FNDC3A: variants seen among roughly 807,000 people sequenced by gnomAD.
The protein encoded by FNDC3A is fibronectin type III domain containing 3A, also known as fibronectin type-III domain-containing protein 3A.
In FNDC3A, 32 loss-of-function variants were observed where a neutral mutation model predicts 148.9. The observed-to-expected ratio is 0.21, with a 90% CI of 0.16 to 0.29. FNDC3A has a LOEUF of 0.29. Among genes scored for constraint, FNDC3A ranks in the 10% least tolerant of loss-of-function variants. The pLI, the probability that FNDC3A is intolerant of heterozygous loss-of-function variation, is 1.00. For synonymous variants in FNDC3A, 472 were observed against 473.6 expected (o/e 1.00, Z 0.04); for missense variants, 1,191 against 1,452.8 (o/e 0.82, Z 2.93).
At chr13:49,055,161 T>C (rs1593524521) in intron 2 of FNDC3A, among the ~76,000 whole-genome samples, 1 of 151,866 alleles carries the variant, frequency 6.6e-6, no homozygotes, top group Non-Finnish European at 1.5e-5. Flanking sequence ...TGGGGTGCGG[T>C]GTCACGTTCG....
chr13:49,174,169 T>G (rs1203301168), intron 11 of FNDC3A, among the ~76,000 whole-genome samples: 1 of 152,154 alleles, frequency 6.6e-6, no homozygotes, highest in Non-Finnish European at 1.5e-5. Flanking sequence ...CCTGCAGAGT[T>G]TCCTTTATTA....
intron 2 of FNDC3A, among the ~76,000 whole-genome samples, chr13:49,032,786 T>A (rs1283447978): frequency 1.3e-5 from 2 of 152,160 alleles, no homozygotes; most frequent in African/African-American, 4.8e-5. Context: ...AAGAATGTTC[T>A]AAAATTTACT....
At chr13:49,094,818 C>A (rs1276072510) in intron 3 of FNDC3A, among the ~76,000 whole-genome samples, 1 of 151,936 alleles carries the variant, frequency 6.6e-6, no homozygotes, top group Admixed American at 6.6e-5. Context: ...TTCTTTTTCT[C>A]TCAAAAATGG....
intron 8 of FNDC3A, among the ~76,000 whole-genome samples, chr13:49,160,515 CTTT>C (rs541832524): frequency 2.4e-3 from 366 of 151,788 alleles, no homozygotes; most frequent in Non-Finnish European, 3.6e-3. Context: ...CTCTTTTCTT[CTTT>C]ATTAGTCTTG....
At chr13:48,982,411 A>G (rs1309738607) in intron 1 of FNDC3A, among the ~76,000 whole-genome samples, 1 of 152,082 alleles carries the variant, frequency 6.6e-6, no homozygotes, top group Non-Finnish European at 1.5e-5. Flanking sequence ...TTCTTTAGTA[A>G]CTATTAGGAT....
chr13:49,071,386 TATACTC>T (rs1393170596), intron 2 of FNDC3A, among the ~76,000 whole-genome samples: 1 of 152,176 alleles, frequency 6.6e-6, no homozygotes, highest in Non-Finnish European at 1.5e-5. Flanking sequence ...CTTTTGGACA[TATACTC>T]AGCAGTAGGA....
rs1415383818 is a variant in FNDC3A at position 49,145,918 on chromosome 13, A to G, written c.960A>G (p.Lys320=). 4.3e-6 allele frequency: 7 copies of G among 1,612,550 alleles called. No individual in the cohort carries two copies. Among genetic ancestry groups the G allele is most frequent in the South Asian group, 1.1e-5 (1 of 90,810 alleles). ...VLISSTGKDG[K]YKSVYVGEET... ...TCTCAAGTACTGGAAAAGATGGGAAATACAAAAGTGTATATGTGTAGGTAT... is the reference window on the plus strand; with the variant it reads ...TCTCAAGTACTGGAAAAGATGGGAAGTACAAAAGTGTATATGTGTAGGTAT... Residue 320 remains lysine (K), a synonymous_variant, in exon 8 of 26, where the codon AAA becomes AAG. Transcript: ENST00000492622.
At chr13:49,110,223 C>T (rs530837973) in intron 3 of FNDC3A, 10 of 692,314 alleles carry the variant, frequency 1.4e-5, no homozygotes, top group South Asian at 7.0e-5. Flanking sequence ...TCCCCCTTGC[C>T]CTTTCCTGGG....
In FNDC3A at chr13:49,197,988, A is replaced by G; in HGVS notation, c.2497A>G (p.Ser833Gly). ...TTYYCRVQAL[S>G]VVGAGPFSEV... ...AGGCTCTGTTAATTTGTAGGCTCTGAGTGTTGTGGGTGCAGGCCCTTTCAG... is the reference window on the plus strand; with the variant it reads ...AGGCTCTGTTAATTTGTAGGCTCTGGGTGTTGTGGGTGCAGGCCCTTTCAG... Residue 833 changes from serine (S) to glycine (G), a missense_variant, in exon 22 of 26, where the codon AGT becomes GGT. Around this residue, in one of 3 missense-constraint regions of FNDC3A, gnomAD observed 751 missense variants for 944.0 expected, o/e 0.80. Transcript: ENST00000492622. 1.2e-6 allele frequency: 2 copies of G among 1,611,564 alleles called. No individual in the cohort carries two copies. Among genetic ancestry groups the G allele is most frequent in the Non-Finnish European group, 1.7e-6 (2 of 1,178,626 alleles).
At chr13:49,049,490 C>T (rs1189937428) in intron 2 of FNDC3A, among the ~76,000 whole-genome samples, 8 of 151,638 alleles carry the variant, frequency 5.3e-5, no homozygotes, top group African/African-American at 1.7e-4. Context: ...GCCTCTCTTC[C>T]TGTTATTGGT....
At chr13:49,093,178 A>G (rs1377781281) in intron 3 of FNDC3A, among the ~76,000 whole-genome samples, 1 of 152,196 alleles carries the variant, frequency 6.6e-6, no homozygotes, top group East Asian at 1.9e-4. Context: ...CAGTGGTAGT[A>G]TACTCTTTGT....
intron 1 of FNDC3A, among the ~76,000 whole-genome samples, chr13:49,005,600 T>G (rs2137597237): frequency 6.6e-6 from 1 of 152,076 alleles, no homozygotes; most frequent in African/African-American, 2.4e-5. Context: ...AACTTCAAAC[T>G]TGAAGGTTCT....
At chr13:49,058,095 C>T (rs1034269328) in intron 2 of FNDC3A, among the ~76,000 whole-genome samples, 1 of 152,074 alleles carries the variant, frequency 6.6e-6, no homozygotes, top group Non-Finnish European at 1.5e-5. Context: ...CCTCAGACAC[C>T]GAGTTAAAGA....
At chr13:49,115,344 T>C (rs1482828534) in intron 4 of FNDC3A, among the ~76,000 whole-genome samples, 1 of 152,230 alleles carries the variant, frequency 6.6e-6, no homozygotes, top group African/African-American at 2.4e-5. Flanking sequence ...CTTCCACTAC[T>C]GAGATTTCGT....
intron 3 of FNDC3A, among the ~76,000 whole-genome samples, chr13:49,093,266 T>C (rs1051899042): frequency 5.3e-5 from 8 of 152,194 alleles, no homozygotes; most frequent in African/African-American, 1.9e-4. Flanking sequence ...TAAATGTTTA[T>C]TTACTTATTT....
At chr13:49,186,810 G>T (rs1372343408) in intron 15 of FNDC3A, among the ~76,000 whole-genome samples, 1 of 152,238 alleles carries the variant, frequency 6.6e-6, no homozygotes, top group African/African-American at 2.4e-5. Flanking sequence ...AGAGGTTGCA[G>T]TGAGTCGAGA....
At chr13:49,062,823 TTTC>T (rs772876576) in intron 2 of FNDC3A, among the ~76,000 whole-genome samples, 1 of 152,212 alleles carries the variant, frequency 6.6e-6, no homozygotes, top group Non-Finnish European at 1.5e-5. Context: ...GTGATTTATT[TTTC>T]TTCTTTTGGT....
chr13:48,993,145 A>G lies in FNDC3A; in HGVS notation c.-39-13007A>G, dbSNP rs572668850. ...TCTGTTTCTCGTTGAAGGATAATGT[A>G]TTCACATCTGGGATGAGGCTTTCCA... On this transcript the variant is annotated intron_variant, in intron 1 of 25. Transcript: ENST00000492622. Among the ~76,000 whole-genome samples the G allele has an allele frequency of 9.8e-5, 15 of 152,360 alleles. No homozygotes were observed. The South Asian group carries it at 3.1e-3, about 32-fold the overall frequency.
At chr13:49,108,353 A>G (rs960404538) in intron 3 of FNDC3A, among the ~76,000 whole-genome samples, 5 of 152,174 alleles carry the variant, frequency 3.3e-5, no homozygotes, top group Non-Finnish European at 7.3e-5. Flanking sequence ...CTCAAGGAAG[A>G]AGGAACTTTA....
Sources: gnomAD v4.1 joint callset for allele counts (sites outside exome capture counted in the v4.1 genomes callset) on GRCh38, gnomAD v4.1.1 for gene constraint, gnomAD v4.1.1 regional missense constraint, MANE v1.5 for transcripts, NCBI Gene and HGNC (gene_info 2026-07-23, HGNC 2026-07-21) for gene names.